The following WDR75 variants were observed in gnomAD, a reference collection of about 807,000 sequenced individuals.
WDR75 encodes WD repeat-containing protein 75.
WDR75 carries 52 observed loss-of-function variants against 106.1 expected under a neutral mutation model. The observed-to-expected ratio is 0.49, with a 90% CI of 0.39 to 0.62. The LOEUF (loss-of-function observed/expected upper bound fraction) is 0.62. Ranked by LOEUF, WDR75 falls within the 20% of genes least tolerant of loss-of-function variation. The pLI is 0.00. For synonymous variants in WDR75, 333 were observed against 335.5 expected (o/e 0.99, Z 0.08); for missense variants, 905 against 970.3 (o/e 0.93, Z 0.89).
Position 189,459,237 on chromosome 2 carries a change from AGTATGTTTG to A in WDR75, c.690-94_690-86del, listed in dbSNP as rs568897071. The A allele has an allele frequency of 3.1e-3, 2,597 of 846,752 alleles. 6 individuals carry two copies. The highest frequency in any genetic ancestry group is 3.9e-3 in the Middle Eastern group (12 of 3,066). 52.5% of individuals were successfully genotyped at this position (846,752 alleles called of 1,614,324 possible). The stretch of plus-strand genomic sequence containing the variant: ...ACCAGAAGCCTTTATATTATGATTT[AGTATGTTTG>A]GTATATATTATGTTTATTGTATTTG... On this transcript the variant is annotated intron_variant, in intron 7 of 20. Coordinates refer to ENST00000314761, the MANE Select transcript of WDR75 (RefSeq NM_032168.3).
At chr2:189,454,952 C>T (rs1443960540) in intron 4 of WDR75, among the ~76,000 whole-genome samples, 1 of 152,024 alleles carries the variant, frequency 6.6e-6, no homozygotes, top group Non-Finnish European at 1.5e-5. Context: ...TACTGATTAG[C>T]AGTTTCATAG....
At chr2:189,461,323 A>C (rs1418507013) in intron 8 of WDR75, among the ~76,000 whole-genome samples, 1 of 152,232 alleles carries the variant, frequency 6.6e-6, no homozygotes, top group Admixed American at 6.5e-5. Context: ...TCAAACCATT[A>C]GATTTAATTG....
intron 6 of WDR75, among the ~76,000 whole-genome samples, chr2:189,458,257 C>G (rs1686781614): frequency 6.6e-6 from 1 of 152,108 alleles, no homozygotes; most frequent in Admixed American, 6.6e-5. Flanking sequence ...TTGATCCTGA[C>G]TTCTTCAGAG....
chr2:189,454,255 C>CT (rs1234397757), intron 4 of WDR75, among the ~76,000 whole-genome samples: 2 of 152,072 alleles, frequency 1.3e-5, no homozygotes, highest in African/African-American at 4.8e-5. Flanking sequence ...ATTGGAAGGA[C>CT]TTTTGCTTTT....
In WDR75 at chr2:189,444,956, G is replaced by A. The variant is rs372483896; in HGVS notation, c.86+3378G>A. ...AGAGTCTAGTTTAAATCTTGGTTCC[G>A]ACTTGAAACATCCCTAATTTCTTAC... On this transcript the variant is annotated intron_variant, in intron 1 of 20. Transcript: ENST00000314761. Among the ~76,000 whole-genome samples, 12 of 151,990 alleles carry A rather than the reference G, an allele frequency of 7.9e-5. No homozygotes were observed. The East Asian group carries it at 1.9e-3, about 24-fold the overall frequency.
Position 189,463,881 on chromosome 2 carries a change from AG to A in WDR75, c.1034del (p.Arg345LysfsTer7). The A allele has an allele frequency of 6.2e-7, 1 of 1,613,952 alleles. No homozygotes were observed. Among genetic ancestry groups the A allele is most frequent in the Non-Finnish European group, 8.5e-7 (1 of 1,179,842 alleles). ...CTTCACTGGTTTGATGATTGATCCA[AG>A]AACTAAAGCTTTGGTTTTGAATGGA... The part of the protein sequence containing the change: ...SIFTGLMIDP[R>X]TKALVLNGKP... On this transcript the variant is annotated frameshift_variant, in exon 11 of 21. Coordinates refer to ENST00000314761, the MANE Select transcript of WDR75 (RefSeq NM_032168.3). LOFTEE classifies it high-confidence loss of function.
intron 5 of WDR75, 98 bp from the exon 6 acceptor site, chr2:189,457,213 C>G: frequency 1.3e-6 from 1 of 791,564 alleles, no homozygotes; most frequent in Non-Finnish European, 2.1e-6. Flanking sequence ...CACATTCCAG[C>G]CTGGGGGACA....
intron 14 of WDR75, 78 bp from the exon 15 acceptor site, chr2:189,468,397 C>A: frequency 7.6e-7 from 1 of 1,317,762 alleles, no homozygotes; most frequent in Non-Finnish European, 1.1e-6. Flanking sequence ...CATAGAACAG[C>A]CGCTGGAAGC....
At chr2:189,450,775 T>TG in intron 2 of WDR75, 128 bp from the exon 3 acceptor site, 1 of 1,476,290 alleles carries the variant, frequency 6.8e-7, no homozygotes, top group Non-Finnish European at 8.9e-7. Flanking sequence ...AATAAATGAC[T>TG]CTACCTCTTT....
At chr2:189,461,503 A>G (rs1327704289) in intron 8 of WDR75, among the ~76,000 whole-genome samples, 1 of 152,112 alleles carries the variant, frequency 6.6e-6, no homozygotes, top group Non-Finnish European at 1.5e-5. Flanking sequence ...TGGTTCTCAT[A>G]TATATTTTTC....
chr2:189,448,383 A>C lies in WDR75; in HGVS notation c.91A>C (p.Ile31Leu). 1.2e-6 allele frequency: 2 copies of C among 1,612,780 alleles called. No individual in the cohort carries two copies. The stretch of plus-strand genomic sequence containing the variant: ...TTTTCTTTCTTTTTTTTCCAGGTAT[A>C]TCTTCTGTGTCTCTGGAGACTTTGT... The part of the protein sequence containing the change: ...RAVFSADSKY[I>L]FCVSGDFVKV... Residue 31 changes from isoleucine to leucine, a missense_variant, in exon 2 of 21, where the codon ATC (isoleucine) becomes CTC (leucine). Ile to Leu is a conservative substitution (Grantham distance 5). Coordinates refer to ENST00000314761, the MANE Select transcript of WDR75 (RefSeq NM_032168.3).
chr2:189,467,501 G>C lies in WDR75; in HGVS notation c.1481G>C (p.Gly494Ala), dbSNP rs201806333. Residue 494 changes from glycine to alanine, a missense_variant, in exon 14 of 21, where the codon GGT (glycine) becomes GCT (alanine). Coordinates refer to ENST00000314761, the MANE Select transcript of WDR75 (RefSeq NM_032168.3). ...GTTGGCTGGACCTGTGACTTTGTTG[G>C]TAGTTATCACAAGTATCAAGCAACT... ...KAVGWTCDFVGSYHKYQATNC... is the reference protein window; with the variant it reads ...KAVGWTCDFVASYHKYQATNC... 1 of 1,603,890 alleles carries C rather than the reference G, an allele frequency of 6.2e-7. No homozygotes were observed. Among genetic ancestry groups the C allele is most frequent in the Non-Finnish European group, 8.5e-7 (1 of 1,175,590 alleles).
intron 3 of WDR75, among the ~76,000 whole-genome samples, chr2:189,451,228 T>C (rs1035811818): frequency 6.6e-6 from 1 of 152,154 alleles, no homozygotes; most frequent in Non-Finnish European, 1.5e-5. Flanking sequence ...GAAAAACTAA[T>C]AGCCTGGTAG....
intron 3 of WDR75, 29 bp downstream of exon 3, chr2:189,450,997 A>C (rs10178969): frequency 0.04 from 62,404 of 1,575,766 alleles, 1,744 homozygotes; most frequent in African/African-American, 0.14. Context: ...ACTTTTCGTT[A>C]TGTGAATAAA....
At chr2:189,446,915 T>C (rs922001635) in intron 1 of WDR75, among the ~76,000 whole-genome samples, 1 of 152,170 alleles carries the variant, frequency 6.6e-6, no homozygotes, top group Non-Finnish European at 1.5e-5. Context: ...ACATAAGTAC[T>C]TCAGTACAGC....
chr2:189,465,145 G>T lies in WDR75; in HGVS notation c.1180G>T (p.Ala394Ser), dbSNP rs540899577. 6.2e-7 allele frequency: 1 copy of T among 1,613,024 alleles called. No homozygotes were observed. The highest frequency in any genetic ancestry group is 1.6e-4 in the Middle Eastern group (1 of 6,062). The change falls in exon 12 of 21, where the codon GCA becomes TCA. Residue 394 changes from alanine to serine, a missense_variant. Transcript: ENST00000314761. ...GLIQIELTKA[A>S]FGCFGNWLAT... ...GATCCAAATTGAACTAACAAAGGCT[G>T]CATTTGGCTGCTTTGGTAACTGGCT...
intron 2 of WDR75, chr2:189,450,665 A>T: frequency 7.5e-7 from 1 of 1,325,350 alleles, no homozygotes; most frequent in Non-Finnish European, 9.6e-7. Context: ...TTCAAGACAG[A>T]AAGTTGGCTT....
chr2:189,466,603 T>G, intron 13 of WDR75, 21 bp downstream of exon 13: 1 of 1,581,292 alleles, frequency 6.3e-7, no homozygotes, highest in Non-Finnish European at 8.6e-7. Context: ...AAATATGTTA[T>G]GTTTAAAGTG....
rs200111719 is a variant in WDR75, at chr2:189,468,511, T to G, written c.1665T>G (p.Tyr555Ter). 6.2e-7 allele frequency: 1 copy of G among 1,613,450 alleles called. No individual in the cohort carries two copies. Among genetic ancestry groups the G allele is most frequent in the Non-Finnish European group, 8.5e-7 (1 of 1,179,508 alleles). ...TTGGGAGATTGACGTGTTCAAAGTA[T>G]CTACTTGGTGCTACTGAAAATGGCA... ...LCFGRLTCSK[Y>*]LLGATENGIL... is the part of the protein sequence containing the mutation. The change falls in exon 15 of 21, where the codon TAT (tyrosine) becomes TAG (stop). Residue 555 changes from tyrosine (Y) to a stop codon, truncating the protein, a stop_gained. Coordinates refer to ENST00000314761, the MANE Select transcript of WDR75 (RefSeq NM_032168.3). LOFTEE classifies it high-confidence loss of function.
Sources: gnomAD v4.1 joint callset for allele counts (sites outside exome capture counted in the v4.1 genomes callset) on GRCh38, gnomAD v4.1.1 for gene constraint, MANE v1.5 for transcripts, NCBI Gene and HGNC (gene_info 2026-07-23, HGNC 2026-07-21) for gene names.